Variants in EBF3 observed in about 807,000 individuals in gnomAD.
EBF3 encodes EBF transcription factor 3.
In EBF3, 18 loss-of-function variants were observed where a neutral mutation model predicts 77.1. That is an observed-to-expected ratio of 0.23 (90% confidence interval 0.16 to 0.35). EBF3 has a LOEUF of 0.35. Among genes scored for constraint, EBF3 ranks in the 10% least tolerant of loss-of-function variants. EBF3 has a pLI of 1.00. For synonymous variants in EBF3, 350 were observed against 343.5 expected, an observed-to-expected ratio of 1.02 and a Z score of -0.21; for missense variants, 558 against 860.0, an observed-to-expected ratio of 0.65 and a Z score of 4.39.
rs1159738920 is a variant in EBF3, at chr10:129,879,877, G to A, written c.555-2028C>T. ...TGTCAGGCAATTAGGTTTTCACTTC[G>A]GGGACAGCAACACGGTGCAATTACA... On this transcript the variant is annotated intron_variant, in intron 6 of 16. Transcript: ENST00000440978. The surrounding 1 kb of genome is among the most constrained non-coding windows in gnomAD (Gnocchi z 4.7). Among the ~76,000 whole-genome samples the A allele has an allele frequency of 2.6e-5, 4 of 152,060 alleles. No homozygotes were observed. Among genetic ancestry groups the A allele is most frequent in the African/African-American group, 9.7e-5 (4 of 41,406 alleles).
chr10:129,958,440 T>A (rs540449195), intron 5 of EBF3, among the ~76,000 whole-genome samples: 12 of 152,312 alleles, frequency 7.9e-5, no homozygotes, highest in African/African-American at 2.6e-4. Flanking sequence ...GCACGCTATC[T>A]AACAACGACA....
intron 6 of EBF3, among the ~76,000 whole-genome samples, chr10:129,936,643 G>T (rs188729308): frequency 4.0e-5 from 6 of 151,728 alleles, no homozygotes; most frequent in Non-Finnish European, 8.8e-5. Flanking sequence ...CCTCAGCTGT[G>T]GGGGGACCAG....
At chr10:129,877,228 C>T (rs1299452636) in intron 7 of EBF3, among the ~76,000 whole-genome samples, 3 of 152,102 alleles carry the variant, frequency 2.0e-5, no homozygotes, top group Non-Finnish European at 4.4e-5. Flanking sequence ...CGGTGGCTCA[C>T]GCCTGTAATC....
chr10:129,839,841 G>A (rs1849886710), intron 15 of EBF3, among the ~76,000 whole-genome samples: 1 of 152,256 alleles, frequency 6.6e-6, no homozygotes, highest in Admixed American at 6.5e-5. Flanking sequence ...CAGGAGCTAT[G>A]GGCAGGGCAG....
In EBF3 at chr10:129,938,414, C is replaced by T. The variant is rs1857506668; in HGVS notation, c.554+18844G>A. ...AAAAAAAAGACAAAAATTAGCCAGG[C>T]ATGGTGGTGCACACCTGTAGTCCCT... On this transcript the variant is annotated intron_variant, in intron 6 of 16. Transcript: ENST00000440978. The surrounding 1 kb of genome is among the most constrained non-coding windows in gnomAD (Gnocchi z 5.1). Among the ~76,000 whole-genome samples, 1 of 150,936 alleles carries T rather than the reference C, an allele frequency of 6.6e-6. No homozygotes were observed.
intron 11 of EBF3, chr10:129,843,461 C>A (rs1000426077): frequency 4.7e-6 from 2 of 426,464 alleles, no homozygotes; most frequent in Non-Finnish European, 8.6e-6. Context: ...CAGAGGTGCA[C>A]GGACAAGCGG....
chr10:129,953,384 A>C (rs2134585488), intron 6 of EBF3, among the ~76,000 whole-genome samples: 1 of 152,054 alleles, frequency 6.6e-6, no homozygotes, highest in African/African-American at 2.4e-5. Context: ...ATATGACAAA[A>C]CTTCATCCTC....
At chr10:129,843,646 A>G (rs1850250277) in intron 11 of EBF3, among the ~76,000 whole-genome samples, 1 of 152,250 alleles carries the variant, frequency 6.6e-6, no homozygotes, top group South Asian at 2.1e-4. Context: ...TATCTTAATT[A>G]AACTGGCAGA....
chr10:129,865,855 G>A (rs780676993), intron 10 of EBF3, among the ~76,000 whole-genome samples: 1 of 152,170 alleles, frequency 6.6e-6, no homozygotes, highest in South Asian at 2.1e-4. Flanking sequence ...GTCCCATTGG[G>A]CGTCCTTCAG....
intron 6 of EBF3, among the ~76,000 whole-genome samples, chr10:129,932,732 CAACACCACGA>C: frequency 6.6e-6 from 1 of 152,126 alleles, no homozygotes; most frequent in Non-Finnish European, 1.5e-5. Flanking sequence ...ATCACTTGTT[CAACACCACGA>C]AGTTACAGAA....
In EBF3 at chr10:129,952,245, A is replaced by G. The variant is rs1393287503; in HGVS notation, c.554+5013T>C. On this transcript the variant is annotated intron_variant, in intron 6 of 16. Coordinates refer to ENST00000440978, the MANE Select transcript of EBF3 (RefSeq NM_001375380.1). The surrounding 1 kb of genome is among the most constrained non-coding windows in gnomAD (Gnocchi z 4.7). The stretch of plus-strand genomic sequence containing the variant: ...ATTCACATCTTTAAGAAAACTGAGA[A>G]GGAAAAATTAACACCAAACTATACT... Among the ~76,000 whole-genome samples, 1 of 152,352 alleles carries G rather than the reference A, an allele frequency of 6.6e-6. No homozygotes were observed. The highest frequency in any genetic ancestry group is 1.9e-4 in the East Asian group (1 of 5,186).
intron 15 of EBF3, 55 bp downstream of exon 15, chr10:129,840,185 CTCCCA>C: frequency 7.3e-7 from 1 of 1,368,914 alleles, no homozygotes; most frequent in Non-Finnish European, 1.0e-6. Context: ...CCCACCCCCA[CTCCCA>C]TCCCCACCCC....
intron 6 of EBF3, among the ~76,000 whole-genome samples, chr10:129,926,944 G>A (rs111830720): frequency 3.7e-4 from 57 of 152,330 alleles, no homozygotes; most frequent in African/African-American, 1.2e-3. Context: ...GCAAGGTGCC[G>A]ATTCAGGGCT....
chr10:129,897,192 G>A lies in EBF3; in HGVS notation c.555-19343C>T, dbSNP rs1010993342. Among the ~76,000 whole-genome samples, 9 of 152,090 alleles carry A rather than the reference G, an allele frequency of 5.9e-5. No individual in the cohort carries two copies. Among genetic ancestry groups the A allele is most frequent in the African/African-American group, 7.2e-5 (3 of 41,408 alleles). On this transcript the variant is annotated intron_variant, in intron 6 of 16. Transcript: ENST00000440978. The surrounding 1 kb of genome is among the most constrained non-coding windows in gnomAD (Gnocchi z 4.6). ...TCACAGACACACTCGCGGTGTACACGGGCCCTCCACGCAGCCAGGAAGGGG... is the reference window on the plus strand; with the variant it reads ...TCACAGACACACTCGCGGTGTACACAGGCCCTCCACGCAGCCAGGAAGGGG...
Position 129,842,729 on chromosome 10 carries a change from A to C in EBF3, c.1194+408T>G, listed in dbSNP as rs1590040253. 7.3e-6 allele frequency among the ~76,000 whole-genome samples: 1 copy of C among 137,412 alleles called. No individual in the cohort carries two copies. 90.1% of individuals were successfully genotyped at this position (137,412 alleles called of 152,430 possible). On this transcript the variant is annotated intron_variant, in intron 12 of 16. Transcript: ENST00000440978. The surrounding 1 kb of genome is among the most constrained non-coding windows in gnomAD (Gnocchi z 4.4). The stretch of plus-strand genomic sequence containing the variant: ...CAGTGAACCGACACTGCCCTACTGC[A>C]CTCCAGCCTGGGTGACAGAGCAAGA...
intron 3 of EBF3, 69 bp downstream of exon 3, chr10:129,962,873 G>A: frequency 6.4e-7 from 1 of 1,551,352 alleles, no homozygotes; most frequent in Non-Finnish European, 8.9e-7. Flanking sequence ...AAATCTTTAT[G>A]TCCTTTCACC....
Position 129,842,079 on chromosome 10 carries a change from C to T in EBF3, c.1372+37G>A, listed in dbSNP as rs968704271. The T allele has an allele frequency of 6.2e-6, 10 of 1,613,274 alleles. No homozygotes were observed. The highest frequency in any genetic ancestry group is 3.3e-5 in the South Asian group (3 of 90,992). On this transcript the variant is annotated intron_variant, in intron 13 of 16. Coordinates refer to ENST00000440978, the MANE Select transcript of EBF3 (RefSeq NM_001375380.1). This position sits in a 1 kb window ranked among gnomAD's most constrained non-coding sequence, Gnocchi z 4.4. ...AAGGCCTCAACCAACCCTCGGAGGG[C>T]GTTCAGGGCAGGGGTCCTCCCAGCA...
chr10:129,936,655 G>C (rs1857382516), intron 6 of EBF3, among the ~76,000 whole-genome samples: 1 of 151,562 alleles, frequency 6.6e-6, no homozygotes, highest in Non-Finnish European at 1.5e-5. Flanking sequence ...GGGGACCAGA[G>C]GCTGTGTAGG....
intron 6 of EBF3, among the ~76,000 whole-genome samples, chr10:129,926,408 C>T (rs1363992278): frequency 6.6e-6 from 1 of 152,148 alleles, no homozygotes; most frequent in Admixed American, 6.5e-5. Flanking sequence ...ACAGGGGAGG[C>T]TTCAAGGTGT....
Sources: gnomAD v4.1 joint callset for allele counts (sites outside exome capture counted in the v4.1 genomes callset) on GRCh38, gnomAD v4.1.1 for gene constraint, Gnocchi (gnomAD v3.1) non-coding constraint, MANE v1.5 for transcripts, NCBI Gene and HGNC (gene_info 2026-07-23, HGNC 2026-07-21) for gene names.